Variants in ROBO1 observed in about 807,000 individuals in gnomAD.
ROBO1 encodes roundabout homolog 1.
In ROBO1, 149 loss-of-function variants were observed where a neutral mutation model predicts 195.9. The observed-to-expected ratio is 0.76, with a 90% CI of 0.67 to 0.87. ROBO1 has a LOEUF of 0.87. Among genes scored for constraint, ROBO1 ranks in the 40% least tolerant of loss-of-function variants. ROBO1 has a pLI of 0.00. For missense variants in ROBO1, 1,933 were observed against 2,068.3 expected (o/e 0.93, Z 1.27); for synonymous variants, 816 against 733.2 (o/e 1.11, Z -1.82).
chr3:78,818,230 C>G (rs996748073), intron 4 of ROBO1, among the ~76,000 whole-genome samples: 7 of 152,284 alleles, frequency 4.6e-5, no homozygotes, highest in South Asian at 2.1e-4. Flanking sequence ...TTGACTGAAG[C>G]CTGGCCCAGC....
chr3:79,241,268 G>A (rs2108880426), intron 2 of ROBO1, among the ~76,000 whole-genome samples: 1 of 152,096 alleles, frequency 6.6e-6, no homozygotes, highest in East Asian at 1.9e-4. Flanking sequence ...TTAATTACTA[G>A]AAACAGACTA....
chr3:79,362,444 A>G lies in ROBO1; in HGVS notation c.88+227380T>C, dbSNP rs2035806528. 2.6e-5 allele frequency among the ~76,000 whole-genome samples: 4 copies of G among 152,132 alleles called. 1 individual carries two copies. In the South Asian group the frequency reaches 8.3e-4, roughly 31 times the overall value. On this transcript the variant is annotated intron_variant, in intron 2 of 30. Coordinates refer to ENST00000464233, the MANE Select transcript of ROBO1 (RefSeq NM_002941.4). ...AGGTTACTGAGAAAACTATTCAATAACTATGAGATTTTATAAAAGGACCTA... is the reference window on the plus strand; with the variant it reads ...AGGTTACTGAGAAAACTATTCAATAGCTATGAGATTTTATAAAAGGACCTA...
At chr3:79,055,458 T>C (rs1246422033) in intron 3 of ROBO1, among the ~76,000 whole-genome samples, 1 of 152,072 alleles carries the variant, frequency 6.6e-6, no homozygotes, top group Non-Finnish European at 1.5e-5. Flanking sequence ...CACTTAAACA[T>C]CCTGCTAACA....
intron 4 of ROBO1, among the ~76,000 whole-genome samples, chr3:78,831,609 A>C (rs2032215787): frequency 6.6e-6 from 1 of 152,188 alleles, no homozygotes. Context: ...ATATGTGACT[A>C]ATTCACCACT....
intron 2 of ROBO1, among the ~76,000 whole-genome samples, chr3:79,313,404 C>T (rs2033583478): frequency 1.3e-5 from 2 of 152,090 alleles, no homozygotes; most frequent in Admixed American, 6.6e-5. Flanking sequence ...AATCCCTTTG[C>T]ACGATTAAGA....
chr3:79,350,946 C>G (rs1231004631), intron 2 of ROBO1, among the ~76,000 whole-genome samples: 1 of 152,138 alleles, frequency 6.6e-6, no homozygotes. Context: ...CCTCCCATCT[C>G]AGCCTCCCAA....
At chr3:79,477,006 TTTA>T (rs1378367898) in intron 2 of ROBO1, among the ~76,000 whole-genome samples, 1 of 152,126 alleles carries the variant, frequency 6.6e-6, no homozygotes, top group African/African-American at 2.4e-5. Flanking sequence ...TATGTGCTTT[TTTA>T]TTAACACATT....
chr3:79,354,099 C>A lies in ROBO1; in HGVS notation c.89-228560G>T, dbSNP rs7618591. On this transcript the variant is annotated intron_variant, in intron 2 of 30. Transcript: ENST00000464233. ...GTAATAGTTTAGGAAGGGCACTATACTACTGTTGCTGCTGCCACATCTAAT... is the reference window on the plus strand; with the variant it reads ...GTAATAGTTTAGGAAGGGCACTATAATACTGTTGCTGCTGCCACATCTAAT... Among the ~76,000 whole-genome samples, 905 of 152,074 alleles carry A rather than the reference C, an allele frequency of 6.0e-3. 5 individuals carry two copies. The highest frequency in any genetic ancestry group is 0.01 in the Non-Finnish European group (699 of 67,964).
At chr3:79,211,823 G>C (rs950311335) in intron 2 of ROBO1, among the ~76,000 whole-genome samples, 2 of 152,152 alleles carry the variant, frequency 1.3e-5, no homozygotes, top group Non-Finnish European at 2.9e-5. Context: ...AGCTGCGCTG[G>C]AGGAATTAAA....
rs1705604946 is a variant in ROBO1 at position 78,637,684 on chromosome 3, T to C, written c.3038-1576A>G. ...CTATAGGTCTCAACCCAGTTTTTCT[T>C]GTACTTATGATTACATGAGTATCTA... On this transcript the variant is annotated intron_variant, in intron 22 of 30. Transcript: ENST00000464233. 2.0e-5 allele frequency among the ~76,000 whole-genome samples: 3 copies of C among 152,186 alleles called. No individual in the cohort carries two copies. In the South Asian group the frequency reaches 6.2e-4, roughly 31 times the overall value.
At chr3:78,855,736 C>A (rs1346078560) in intron 4 of ROBO1, among the ~76,000 whole-genome samples, 2 of 151,788 alleles carry the variant, frequency 1.3e-5, no homozygotes, top group Non-Finnish European at 2.9e-5. Context: ...ACAAGAATAA[C>A]AAGGAAGAAA....
intron 2 of ROBO1, among the ~76,000 whole-genome samples, chr3:79,183,066 G>A (rs1443330348): frequency 2.4e-5 from 3 of 123,740 alleles, no homozygotes; most frequent in African/African-American, 1.2e-4. Context: ...GGGTGACAGA[G>A]AGAGACTCCA....
intron 1 of ROBO1, among the ~76,000 whole-genome samples, chr3:79,676,439 G>T (rs577519165): frequency 1.3e-5 from 2 of 152,114 alleles, no homozygotes; most frequent in Middle Eastern, 3.4e-3. Flanking sequence ...CATGGAGTTT[G>T]CAGGCTGCAT....
intron 1 of ROBO1, among the ~76,000 whole-genome samples, chr3:79,755,047 A>C (rs1704316293): frequency 6.6e-6 from 1 of 151,692 alleles, no homozygotes; most frequent in African/African-American, 2.4e-5. Flanking sequence ...TGCCCGGCTA[A>C]TTTTGTATTT....
At chr3:79,267,051 T>G (rs1338975277) in intron 2 of ROBO1, among the ~76,000 whole-genome samples, 1 of 151,498 alleles carries the variant, frequency 6.6e-6, no homozygotes, top group Non-Finnish European at 1.5e-5. Flanking sequence ...GGCATGCTAT[T>G]CTATATGGCA....
intron 2 of ROBO1, among the ~76,000 whole-genome samples, chr3:79,502,709 C>G (rs370336932): frequency 6.6e-6 from 1 of 151,860 alleles, no homozygotes; most frequent in East Asian, 2.0e-4. Context: ...CTTGGAGAAT[C>G]TTTATGTCTA....
intron 1 of ROBO1, among the ~76,000 whole-genome samples, chr3:79,619,100 C>T (rs73120843): frequency 2.8e-3 from 16 of 5,636 alleles, no homozygotes; most frequent in African/African-American, 7.7e-3. Context: ...TGTCTGATCA[C>T]TGCAGAGACA....
At chr3:78,957,049 T>C (rs567707420) in intron 3 of ROBO1, among the ~76,000 whole-genome samples, 70 of 152,168 alleles carry the variant, frequency 4.6e-4, no homozygotes, top group African/African-American at 1.6e-3. Flanking sequence ...TGTTGAAAAA[T>C]GTGTAGTTTT....
chr3:79,650,064 A>C (rs1945957067), intron 1 of ROBO1, among the ~76,000 whole-genome samples: 1 of 152,104 alleles, frequency 6.6e-6, no homozygotes, highest in South Asian at 2.1e-4. Flanking sequence ...AAATCCAAAT[A>C]AATGAGGAGG....
Sources: gnomAD v4.1 joint callset for allele counts (sites outside exome capture counted in the v4.1 genomes callset) on GRCh38, gnomAD v4.1.1 for gene constraint, MANE v1.5 for transcripts, NCBI Gene and HGNC (gene_info 2026-07-23, HGNC 2026-07-21) for gene names.